CCDC91: variants seen among roughly 807,000 people sequenced by gnomAD.
CCDC91 encodes coiled-coil domain-containing protein 91.
A neutral mutation model predicts 63.2 loss-of-function variants in CCDC91; 48 were observed. The ratio of observed to expected loss-of-function variants is 0.76; its 90% CI spans 0.60 to 0.97. CCDC91 has a LOEUF of 0.97. CCDC91 is among the 50% of genes least tolerant of loss of function. The probability of loss-of-function intolerance (pLI) is 0.00; values close to 1 mark genes in which losing one functional copy is unlikely to be tolerated. For synonymous variants in CCDC91, 167 were observed against 165.8 expected (o/e 1.01, Z -0.06); for missense variants, 500 against 494.6 (o/e 1.01, Z -0.10).
chr12:28,411,431 C>A (rs756504615), intron 8 of CCDC91, among the ~76,000 whole-genome samples: 1 of 152,070 alleles, frequency 6.6e-6, no homozygotes, highest in Non-Finnish European at 1.5e-5. Flanking sequence ...ATCTTATAGA[C>A]GGTGTCAAGA....
At chr12:28,238,235 A>G (rs1300291105) in intron 1 of CCDC91, among the ~76,000 whole-genome samples, 3 of 152,206 alleles carry the variant, frequency 2.0e-5, no homozygotes, top group Non-Finnish European at 4.4e-5. Context: ...CAAAAAGGAA[A>G]CAAACAGCAC....
intron 12 of CCDC91, among the ~76,000 whole-genome samples, chr12:28,522,681 G>T (rs1940834746): frequency 6.6e-6 from 1 of 152,078 alleles, no homozygotes; most frequent in Non-Finnish European, 1.5e-5. Flanking sequence ...GTCAATTTTA[G>T]ATCTTTCCTC....
At chr12:28,506,261 T>C (rs532516301) in intron 12 of CCDC91, among the ~76,000 whole-genome samples, 47 of 152,026 alleles carry the variant, frequency 3.1e-4, no homozygotes, top group African/African-American at 1.1e-3. Flanking sequence ...GCAAGACATC[T>C]TTGGAAACTC....
chr12:28,398,194 C>CTCTGGATCCTGACAACCCACTAA, intron 8 of CCDC91, among the ~76,000 whole-genome samples: 1 of 152,212 alleles, frequency 6.6e-6, no homozygotes, highest in South Asian at 2.1e-4. Flanking sequence ...CTTCTATAAA[C>CTCTGGATCCTGACAACCCACTAA]TCTGGATCCT....
At chr12:28,356,342 TGTA>T (rs1943525208) in intron 6 of CCDC91, among the ~76,000 whole-genome samples, 1 of 152,214 alleles carries the variant, frequency 6.6e-6, no homozygotes, top group Non-Finnish European at 1.5e-5. Flanking sequence ...GTTTTTCTTC[TGTA>T]TTGATGGTAT....
In CCDC91 at chr12:28,334,683, G is replaced by T. The variant is rs533258747; in HGVS notation, c.576+26934G>T. Among the ~76,000 whole-genome samples, 163 of 152,158 alleles carry T rather than the reference G, an allele frequency of 1.1e-3. 1 individual carries two copies. The highest frequency in any genetic ancestry group is 3.1e-3 in the African/African-American group (130 of 41,528). On this transcript the variant is annotated intron_variant, in intron 6 of 12. Coordinates refer to ENST00000536442, the MANE Select transcript of CCDC91 (RefSeq NM_018318.5). The stretch of plus-strand genomic sequence containing the variant: ...ACATTTTTTTATACTTTAGAAAATG[G>T]TTTTTTGGATTTCTGGGTTGCCTAA...
chr12:28,379,259 A>G (rs1945133629), intron 7 of CCDC91, among the ~76,000 whole-genome samples: 1 of 152,070 alleles, frequency 6.6e-6, no homozygotes, highest in Non-Finnish European at 1.5e-5. Context: ...CTTCATAACT[A>G]AAACACCAAA....
At chr12:28,307,814 A>G in intron 6 of CCDC91, 65 bp downstream of exon 6, 2 of 817,678 alleles carry the variant, frequency 2.4e-6, no homozygotes, top group East Asian at 2.5e-5. Flanking sequence ...TATAATTTCA[A>G]AAAGTGCATA....
intron 6 of CCDC91, among the ~76,000 whole-genome samples, chr12:28,315,326 C>T (rs528205329): frequency 3.8e-4 from 57 of 151,858 alleles, no homozygotes; most frequent in African/African-American, 1.1e-3. Context: ...CCACCACACC[C>T]GGCTAATTTT....
intron 7 of CCDC91, among the ~76,000 whole-genome samples, chr12:28,378,691 C>T (rs1354090369): frequency 6.6e-6 from 1 of 152,028 alleles, no homozygotes; most frequent in Non-Finnish European, 1.5e-5. Flanking sequence ...TAAGGATTCT[C>T]ATAAATTCCA....
intron 7 of CCDC91, among the ~76,000 whole-genome samples, chr12:28,387,804 G>C (rs1339515453): frequency 6.6e-6 from 1 of 152,112 alleles, no homozygotes; most frequent in African/African-American, 2.4e-5. Context: ...GGGCATTTGG[G>C]CTGGTTCCAC....
intron 6 of CCDC91, among the ~76,000 whole-genome samples, chr12:28,337,123 T>A (rs1399536952): frequency 2.0e-5 from 3 of 152,228 alleles, no homozygotes; most frequent in Non-Finnish European, 4.4e-5. Context: ...TGCCCCCAGT[T>A]AGAAATCATT....
Position 28,365,994 on chromosome 12 carries a change from CT to C in CCDC91, c.654+3480del, listed in dbSNP as rs145240065. Among the ~76,000 whole-genome samples, 1,398 of 152,148 alleles carry C rather than the reference CT, an allele frequency of 9.2e-3. 26 individuals are homozygous for C. Among genetic ancestry groups the C allele is most frequent in the African/African-American group, 0.032 (1,328 of 41,490 alleles). Reference sequence around the variant, plus strand: ...TATTGTTGAGGAGTTTGAAAAAATGCTCCTTAGAAAAGAAAGTGGAAAATAC... The same window carrying C: ...TATTGTTGAGGAGTTTGAAAAAATGCCCTTAGAAAAGAAAGTGGAAAATAC... On this transcript the variant is annotated intron_variant, in intron 7 of 12. Coordinates refer to ENST00000536442, the MANE Select transcript of CCDC91 (RefSeq NM_018318.5).
intron 7 of CCDC91, among the ~76,000 whole-genome samples, chr12:28,388,638 C>T (rs867375039): frequency 5.3e-5 from 8 of 152,176 alleles, no homozygotes; most frequent in South Asian, 4.1e-4. Flanking sequence ...ATCCCATGCT[C>T]GTGGAAGGGT....
chr12:28,502,296 A>G (rs1938020284), intron 12 of CCDC91, among the ~76,000 whole-genome samples: 2 of 151,946 alleles, frequency 1.3e-5, no homozygotes, highest in Admixed American at 1.3e-4. Context: ...TAACAGACAA[A>G]CAGAGAGCCA....
At chr12:28,390,171 T>C (rs1206232139) in intron 7 of CCDC91, among the ~76,000 whole-genome samples, 3 of 152,144 alleles carry the variant, frequency 2.0e-5, no homozygotes, top group African/African-American at 7.2e-5. Flanking sequence ...TTGAGACTTA[T>C]TTAGAAGTTT....
At chr12:28,363,348 T>C (rs2138599404) in intron 7 of CCDC91, among the ~76,000 whole-genome samples, 1 of 152,340 alleles carries the variant, frequency 6.6e-6, no homozygotes, top group East Asian at 1.9e-4. Context: ...TGTCAGTACA[T>C]ATAAGCTTTT....
At chr12:28,503,232 T>G (rs1938206194) in intron 12 of CCDC91, among the ~76,000 whole-genome samples, 1 of 151,772 alleles carries the variant, frequency 6.6e-6, no homozygotes, top group Non-Finnish European at 1.5e-5. Flanking sequence ...CCAACAAATT[T>G]ACAAGAAAAA....
intron 8 of CCDC91, among the ~76,000 whole-genome samples, chr12:28,411,681 G>T (rs1378169544): frequency 6.6e-6 from 1 of 152,166 alleles, no homozygotes; most frequent in Non-Finnish European, 1.5e-5. Context: ...CTGTATATAA[G>T]ATGGTGGTCT....
Sources: allele counts gnomAD v4.1 joint callset (sites outside exome capture counted in the v4.1 genomes callset), GRCh38; gene constraint gnomAD v4.1.1; transcripts MANE v1.5; gene names NCBI Gene and HGNC (gene_info 2026-07-23, HGNC 2026-07-21).